Variants in AGPAT4 observed in about 807,000 individuals in gnomAD.
The protein encoded by AGPAT4 is 1-acylglycerol-3-phosphate O-acyltransferase 4.
In AGPAT4, 15 loss-of-function variants were observed where a neutral mutation model predicts 48.0. The observed-to-expected ratio is 0.31, with a 90% confidence interval of 0.21 to 0.48. The LOEUF (loss-of-function observed/expected upper bound fraction) is 0.48. Among genes scored for constraint, AGPAT4 ranks in the 20% least tolerant of loss-of-function variants. The probability of loss-of-function intolerance (pLI) is 0.99; values close to 1 mark genes in which losing one functional copy is unlikely to be tolerated. For synonymous variants in AGPAT4, 178 were observed against 198.7 expected (o/e 0.90, Z 0.88); for missense variants, 314 against 482.5 (o/e 0.65, Z 3.27).
chr6:161,176,268 T>A (rs1780424275), intron 2 of AGPAT4, among the ~76,000 whole-genome samples: 1 of 152,176 alleles, frequency 6.6e-6, no homozygotes, highest in Non-Finnish European at 1.5e-5. Context: ...TGTGTGGGAG[T>A]CTAAGTCTCT....
rs1342319615 is a variant in AGPAT4 at position 161,139,989 on chromosome 6, G to A, written c.844-369C>T. Among the ~76,000 whole-genome samples the A allele has an allele frequency of 2.6e-5, 4 of 152,244 alleles. No individual in the cohort carries two copies. The highest frequency in any genetic ancestry group is 7.2e-5 in the African/African-American group (3 of 41,472). Reference sequence around the variant, plus strand: ...CTAATGGGGCAGCAGTGCCTTCCACGATAGGTCGGCGGGAGAATGGAGTGG... The same window carrying A: ...CTAATGGGGCAGCAGTGCCTTCCACAATAGGTCGGCGGGAGAATGGAGTGG... On this transcript the variant is annotated intron_variant, in intron 7 of 8. Coordinates refer to ENST00000320285, the MANE Select transcript of AGPAT4 (RefSeq NM_020133.3). The surrounding 1 kb of genome is among the most constrained non-coding windows in gnomAD (Gnocchi z 9.1).
chr6:161,154,382 T>C lies in AGPAT4; in HGVS notation c.349-72A>G. The C allele has an allele frequency of 6.3e-7, 1 of 1,577,632 alleles. No homozygotes were observed. Among genetic ancestry groups the C allele is most frequent in the South Asian group, 1.1e-5 (1 of 88,850 alleles). On this transcript the variant is annotated intron_variant, in intron 3 of 8. Transcript: ENST00000320285. The surrounding 1 kb of genome is among the most constrained non-coding windows in gnomAD (Gnocchi z 7.8). ...GCCACCTGCCGGGGCTGTTGGAGAC[T>C]GAAGTAGAAAAAGAGGAGGGGACGT...
rs184308891 is a variant in AGPAT4 at position 161,139,988 on chromosome 6, C to T, written c.844-368G>A. Among the ~76,000 whole-genome samples, 5 of 152,222 alleles carry T rather than the reference C, an allele frequency of 3.3e-5. No individual in the cohort carries two copies. Among genetic ancestry groups the T allele is most frequent in the South Asian group, 2.1e-4 (1 of 4,836 alleles). ...TCTAATGGGGCAGCAGTGCCTTCCA[C>T]GATAGGTCGGCGGGAGAATGGAGTG... On this transcript the variant is annotated intron_variant, in intron 7 of 8. Transcript: ENST00000320285. The surrounding 1 kb of genome is among the most constrained non-coding windows in gnomAD (Gnocchi z 9.1).
Position 161,165,761 on chromosome 6 carries a change from T to C in AGPAT4, c.348+487A>G. On this transcript the variant is annotated intron_variant, in intron 3 of 8. Transcript: ENST00000320285. This position sits in a 1 kb window ranked among gnomAD's most constrained non-coding sequence, Gnocchi z 5.5. Reference sequence around the variant, plus strand: ...AGAATTTCAGAATAATTCTGAATTTTGCAGTTCACTCTCTCACTTATGGAC... The same window carrying C: ...AGAATTTCAGAATAATTCTGAATTTCGCAGTTCACTCTCTCACTTATGGAC... The C allele has an allele frequency of 1.5e-6, 1 of 686,744 alleles. No homozygotes were observed. Among genetic ancestry groups the C allele is most frequent in the Non-Finnish European group, 2.4e-6 (1 of 418,874 alleles). The allele number at this position is 686,744 out of a possible 1,614,324, so 42.5% of individuals were successfully genotyped here. A position where few individuals can be genotyped will look rare whatever the true frequency, so the allele number is the denominator to read the frequency against.
chr6:161,224,640 CAAAA>C (rs71543000), intron 2 of AGPAT4, among the ~76,000 whole-genome samples: 4 of 78,658 alleles, frequency 5.1e-5, no homozygotes, highest in Middle Eastern at 7.9e-3. Flanking sequence ...GACTCCTTCT[CAAAA>C]AAAAAAAAAA....
Position 161,251,294 on chromosome 6 carries a change from T to G in AGPAT4, c.-89-18992A>C, listed in dbSNP as rs1179786339. Among the ~76,000 whole-genome samples the G allele has an allele frequency of 6.6e-6, 1 of 152,236 alleles. No homozygotes were observed. The highest frequency in any genetic ancestry group is 1.9e-4 in the East Asian group (1 of 5,198). On this transcript the variant is annotated intron_variant, in intron 1 of 8. Transcript: ENST00000320285. This position sits in a 1 kb window ranked among gnomAD's most constrained non-coding sequence, Gnocchi z 4.6. ...TGTATCCAAGGCATTTGTTGAAAGATCCTTCTCTACCTCATTGATTCCCAT... is the reference window on the plus strand; with the variant it reads ...TGTATCCAAGGCATTTGTTGAAAGAGCCTTCTCTACCTCATTGATTCCCAT...
rs535739493 is a variant in AGPAT4 at position 161,177,196 on chromosome 6, T to C, written c.179-10779A>G. 3.3e-5 allele frequency among the ~76,000 whole-genome samples: 5 copies of C among 152,314 alleles called. No homozygotes were observed. In the East Asian group the frequency reaches 5.8e-4, roughly 18 times the overall value. ...GAATTTGAATGTTGGCCTGCCTTGA[T>C]AGGTTGGGGAAGTTATCCTGGATAA... is the stretch of plus-strand genomic sequence containing the variant. On this transcript the variant is annotated intron_variant, in intron 2 of 8. Coordinates refer to ENST00000320285, the MANE Select transcript of AGPAT4 (RefSeq NM_020133.3). This position sits in a 1 kb window ranked among gnomAD's most constrained non-coding sequence, Gnocchi z 5.0.
In AGPAT4 at chr6:161,160,999, A is replaced by C. The variant is rs1300911346; in HGVS notation, c.348+5249T>G. 8.8e-6 allele frequency: 4 copies of C among 456,226 alleles called. 1 individual carries two copies. The East Asian group carries it at 2.8e-4, about 32-fold the overall frequency. The allele number at this position is 456,226 out of a possible 1,614,324, so 28.3% of individuals were successfully genotyped here. On this transcript the variant is annotated intron_variant, in intron 3 of 8. Transcript: ENST00000320285. ...AGGAAGCACAGGCAGATGGGGCATCAGAGGGCCCTAAGCACAGAGCACGAA... is the reference window on the plus strand; with the variant it reads ...AGGAAGCACAGGCAGATGGGGCATCCGAGGGCCCTAAGCACAGAGCACGAA...
At chr6:161,192,291 C>T (rs35180185) in intron 2 of AGPAT4, among the ~76,000 whole-genome samples, 27,070 of 151,640 alleles carry the variant, frequency 0.18, 4,314 homozygotes, top group African/African-American at 0.43. Flanking sequence ...GCTGGGATTA[C>T]AGGTGCCTGC....
rs1780457296 is a variant in AGPAT4 at position 161,177,388 on chromosome 6, A to C, written c.179-10971T>G. 2.6e-5 allele frequency among the ~76,000 whole-genome samples: 4 copies of C among 152,144 alleles called. No homozygotes were observed. Among genetic ancestry groups the C allele is most frequent in the African/African-American group, 9.7e-5 (4 of 41,422 alleles). The stretch of plus-strand genomic sequence containing the variant: ...ACTTCTCTTCTCGCTTCATTTCATT[A>C]ATTTGATCTTCAATCACTGATATCG... On this transcript the variant is annotated intron_variant, in intron 2 of 8. Coordinates refer to ENST00000320285, the MANE Select transcript of AGPAT4 (RefSeq NM_020133.3). The surrounding 1 kb of genome is among the most constrained non-coding windows in gnomAD (Gnocchi z 5.0).
In AGPAT4 at chr6:161,139,591, C is replaced by T. The variant is rs565134470; in HGVS notation, c.873G>A (p.Thr291=). Residue 291 remains threonine (T), a synonymous_variant, in exon 8 of 9, where the codon ACG becomes ACA. Coordinates refer to ENST00000320285, the MANE Select transcript of AGPAT4 (RefSeq NM_020133.3). This position sits in a 1 kb window ranked among gnomAD's most constrained non-coding sequence, Gnocchi z 9.1. ...CCATGGGCGTCTCTGGGAAGGTGCCCGTCCTGTAGTACTCCTCCTGAAAGG... is the reference window on the plus strand; with the variant it reads ...CCATGGGCGTCTCTGGGAAGGTGCCTGTCCTGTAGTACTCCTCCTGAAAGG... ...KDAFQEEYYR[T]GTFPETPMVP... The T allele has an allele frequency of 2.3e-5, 37 of 1,612,546 alleles. No individual in the cohort carries two copies. The highest frequency in any genetic ancestry group is 2.7e-5 in the Non-Finnish European group (32 of 1,179,088).
At position 161,139,540 on chromosome 6, in the gene AGPAT4, G is replaced by A. The variant is rs114144656; in HGVS notation, c.924C>T (p.Leu308=). ...GCGAGGCCCAAAACAGCCAGTTCAC[G>A]AGGGTCCAGGGCCGCCGGGGGGGCA... ...PMVPPRRPWT[L]VNWLFWASLV... The change falls in exon 8 of 9, where the codon CTC becomes CTT. Residue 308 remains leucine (L), a synonymous_variant. Coordinates refer to ENST00000320285, the MANE Select transcript of AGPAT4 (RefSeq NM_020133.3). The surrounding 1 kb of genome is among the most constrained non-coding windows in gnomAD (Gnocchi z 9.1). The A allele has an allele frequency of 7.0e-4, 1,134 of 1,614,064 alleles. 3 individuals are homozygous for A. The highest frequency in any genetic ancestry group is 8.3e-4 in the Non-Finnish European group (977 of 1,180,010).
In AGPAT4 at chr6:161,169,340, C is replaced by G. The variant is rs934521920; in HGVS notation, c.179-2923G>C. On this transcript the variant is annotated intron_variant, in intron 2 of 8. Coordinates refer to ENST00000320285, the MANE Select transcript of AGPAT4 (RefSeq NM_020133.3). The surrounding 1 kb of genome is among the most constrained non-coding windows in gnomAD (Gnocchi z 5.0). ...TTAGCGGGTGACTACATCAGCACAGCGAGAGGGGATGGTGCTGGGACCAGG... is the reference window on the plus strand; with the variant it reads ...TTAGCGGGTGACTACATCAGCACAGGGAGAGGGGATGGTGCTGGGACCAGG... 6.6e-6 allele frequency among the ~76,000 whole-genome samples: 1 copy of G among 152,166 alleles called. No homozygotes were observed. Among genetic ancestry groups the G allele is most frequent in the African/African-American group, 2.4e-5 (1 of 41,434 alleles).
intron 2 of AGPAT4, among the ~76,000 whole-genome samples, chr6:161,194,917 G>A (rs1273037348): frequency 6.6e-6 from 1 of 152,168 alleles, no homozygotes; most frequent in Non-Finnish European, 1.5e-5. Flanking sequence ...AGCTTTTAAA[G>A]AGGAACAACT....
intron 1 of AGPAT4, among the ~76,000 whole-genome samples, chr6:161,271,543 T>A (rs192273813): frequency 6.6e-6 from 1 of 152,212 alleles, no homozygotes; most frequent in Non-Finnish European, 1.5e-5. Context: ...CCTCTGGGTG[T>A]CACCTCTGTC....
Position 161,238,823 on chromosome 6 carries a change from C to T in AGPAT4, c.-89-6521G>A, listed in dbSNP as rs1403055646. Among the ~76,000 whole-genome samples, 1 of 152,146 alleles carries T rather than the reference C, an allele frequency of 6.6e-6. No individual in the cohort carries two copies. Among genetic ancestry groups the T allele is most frequent in the Non-Finnish European group, 1.5e-5 (1 of 68,034 alleles). ...TAAGATCTGATGGTTTCATAAGGGG[C>T]TTTTCACCCTTTTGCTTGGTGCTTC... On this transcript the variant is annotated intron_variant, in intron 1 of 8. Transcript: ENST00000320285. The surrounding 1 kb of genome is among the most constrained non-coding windows in gnomAD (Gnocchi z 5.2).
rs148041018 is a variant in AGPAT4 at position 161,217,717 on chromosome 6, C to T, written c.178+14319G>A. On this transcript the variant is annotated intron_variant, in intron 2 of 8. Transcript: ENST00000320285. This position sits in a 1 kb window ranked among gnomAD's most constrained non-coding sequence, Gnocchi z 4.9. Reference sequence around the variant, plus strand: ...TGGTGAAAGGACTGGCTGGGAGAGGCATGGCATATTCAGAAATCCTCAAAG... The same window carrying T: ...TGGTGAAAGGACTGGCTGGGAGAGGTATGGCATATTCAGAAATCCTCAAAG... Among the ~76,000 whole-genome samples, 674 of 152,314 alleles carry T rather than the reference C, an allele frequency of 4.4e-3. 8 individuals are homozygous for T. Among genetic ancestry groups the T allele is most frequent in the African/African-American group, 0.015 (635 of 41,564 alleles).
At position 161,241,123 on chromosome 6, in the gene AGPAT4, C is replaced by T. The variant is rs913616719; in HGVS notation, c.-89-8821G>A. 4.0e-5 allele frequency among the ~76,000 whole-genome samples: 6 copies of T among 151,718 alleles called. No homozygotes were observed. The East Asian group carries it at 5.8e-4, about 15-fold the overall frequency. On this transcript the variant is annotated intron_variant, in intron 1 of 8. Transcript: ENST00000320285. The stretch of plus-strand genomic sequence containing the variant: ...ACTAAAAATACAAAATTTAGCTGGG[C>T]GTGGTGGCAGGCACCTGTAATCCCA...
At chr6:161,176,403 T>C (rs1057446675) in intron 2 of AGPAT4, among the ~76,000 whole-genome samples, 1 of 152,206 alleles carries the variant, frequency 6.6e-6, no homozygotes, top group Non-Finnish European at 1.5e-5. Flanking sequence ...GCCTTCTTTG[T>C]CTCTTTTGAT....
Sources: allele counts gnomAD v4.1 joint callset (sites outside exome capture counted in the v4.1 genomes callset), GRCh38; gene constraint gnomAD v4.1.1; non-coding constraint Gnocchi (gnomAD v3.1); transcripts MANE v1.5; gene names NCBI Gene and HGNC (gene_info 2026-07-23, HGNC 2026-07-21).